MALRD1: variants seen among roughly 807,000 people sequenced by gnomAD.
MALRD1 encodes MAM and LDL-receptor class A domain-containing protein 1.
In MALRD1, 247 loss-of-function variants were observed where a neutral mutation model predicts 242.1. The observed-to-expected ratio is 1.02, with a 90% CI of 0.92 to 1.13. The LOEUF (loss-of-function observed/expected upper bound fraction) is 1.13, where lower values mean the gene tolerates loss of function less well. Among genes scored for constraint, MALRD1 ranks in the 50% most tolerant of loss-of-function variants. The pLI is 0.00. For missense variants in MALRD1, 2,989 were observed against 2,533.1 expected (o/e 1.18, Z -3.86); for synonymous variants, 995 against 866.6 (o/e 1.15, Z -2.60).
At chr10:19,539,681 G>A (rs1014509505) in intron 32 of MALRD1, among the ~76,000 whole-genome samples, 10 of 151,602 alleles carry the variant, frequency 6.6e-5, no homozygotes, top group Non-Finnish European at 1.3e-4. Flanking sequence ...CTGCTGCTTT[G>A]TTTTTTTATT....
chr10:19,278,514 C>T (rs758512706), intron 19 of MALRD1, among the ~76,000 whole-genome samples: 2 of 152,066 alleles, frequency 1.3e-5, no homozygotes, highest in Non-Finnish European at 2.9e-5. Flanking sequence ...TCCATCTATC[C>T]ATCCATTTAT....
chr10:19,550,953 T>C (rs1404732771), intron 32 of MALRD1, among the ~76,000 whole-genome samples: 1 of 152,144 alleles, frequency 6.6e-6, no homozygotes, highest in East Asian at 1.9e-4. Flanking sequence ...TGTTCCTTTT[T>C]CTCCACAACC....
chr10:19,262,256 T>C (rs1213958083), intron 19 of MALRD1, among the ~76,000 whole-genome samples: 1 of 152,174 alleles, frequency 6.6e-6, no homozygotes, highest in Non-Finnish European at 1.5e-5. Flanking sequence ...TACAATATGA[T>C]GTTTTGACAT....
chr10:19,177,755 C>T (rs1239691842), intron 14 of MALRD1, among the ~76,000 whole-genome samples: 2 of 152,032 alleles, frequency 1.3e-5, no homozygotes, highest in Non-Finnish European at 2.9e-5. Flanking sequence ...TGTGATCGGA[C>T]AAAAGGGTAT....
At chr10:19,638,827 A>G (rs758942860) in intron 36 of MALRD1, among the ~76,000 whole-genome samples, 9 of 152,220 alleles carry the variant, frequency 5.9e-5, no homozygotes, top group East Asian at 1.9e-4. Context: ...GACTCAAACC[A>G]TAAGAGACAT....
chr10:19,144,363 G>C (rs1231974156), intron 10 of MALRD1, among the ~76,000 whole-genome samples: 1 of 152,168 alleles, frequency 6.6e-6, no homozygotes, highest in South Asian at 2.1e-4. Flanking sequence ...AAGACCCACT[G>C]TCTATTCTAT....
chr10:19,612,468 A>T (rs564553476), intron 35 of MALRD1, among the ~76,000 whole-genome samples: 2 of 152,030 alleles, frequency 1.3e-5, no homozygotes, highest in South Asian at 4.2e-4. Context: ...CTCAAGGTAT[A>T]TTTCAGTTTT....
At chr10:19,642,002 A>T (rs1158243485) in intron 36 of MALRD1, among the ~76,000 whole-genome samples, 1 of 152,178 alleles carries the variant, frequency 6.6e-6, no homozygotes, top group East Asian at 1.9e-4. Flanking sequence ...ATCTGCCTCA[A>T]AATTAAAACT....
intron 30 of MALRD1, among the ~76,000 whole-genome samples, chr10:19,492,714 A>G (rs1181006155): frequency 6.6e-6 from 1 of 152,176 alleles, no homozygotes; most frequent in East Asian, 1.9e-4. Context: ...GCATAATACC[A>G]TACCTGATTC....
intron 36 of MALRD1, among the ~76,000 whole-genome samples, chr10:19,667,430 C>T (rs1841723827): frequency 6.6e-6 from 1 of 152,072 alleles, no homozygotes; most frequent in South Asian, 2.1e-4. Flanking sequence ...GATCTGTGTC[C>T]CTGCCCAAAT....
At chr10:19,056,022 T>C (rs1486178479) in intron 1 of MALRD1, among the ~76,000 whole-genome samples, 1 of 152,208 alleles carries the variant, frequency 6.6e-6, no homozygotes, top group Non-Finnish European at 1.5e-5. Flanking sequence ...GCTTTATTTC[T>C]GGGCTTTCTA....
chr10:19,424,611 C>T (rs1833835154), intron 28 of MALRD1, among the ~76,000 whole-genome samples: 1 of 152,172 alleles, frequency 6.6e-6, no homozygotes, highest in Non-Finnish European at 1.5e-5. Flanking sequence ...AAGTAATTTT[C>T]AGTGTTACAA....
At chr10:19,324,141 C>T (rs1843018323) in intron 22 of MALRD1, 36 bp downstream of exon 22, 1 of 1,535,208 alleles carries the variant, frequency 6.5e-7, no homozygotes, top group Non-Finnish European at 8.8e-7. Context: ...TGAATTTTCT[C>T]TCTAAAAGTT....
chr10:19,622,106 C>G (rs1839429795), intron 36 of MALRD1, among the ~76,000 whole-genome samples: 1 of 151,104 alleles, frequency 6.6e-6, no homozygotes, highest in African/African-American at 2.4e-5. Flanking sequence ...AAATTAGAAA[C>G]AAAGCAAGTA....
chr10:19,616,956 T>G (rs1839185366), intron 36 of MALRD1, among the ~76,000 whole-genome samples: 1 of 152,010 alleles, frequency 6.6e-6, no homozygotes, highest in Non-Finnish European at 1.5e-5. Context: ...CCGTGGAAAT[T>G]AATTTATCAG....
At chr10:19,310,202 A>C (rs1269497099) in intron 21 of MALRD1, among the ~76,000 whole-genome samples, 1 of 151,460 alleles carries the variant, frequency 6.6e-6, no homozygotes, top group Non-Finnish European at 1.5e-5. Context: ...CAGGAAATGA[A>C]GGAAAGGATG....
chr10:19,466,058 T>C (rs1836203606), intron 29 of MALRD1, among the ~76,000 whole-genome samples: 1 of 152,202 alleles, frequency 6.6e-6, no homozygotes, highest in Non-Finnish European at 1.5e-5. Context: ...TTTACATCTA[T>C]GATTAATAAT....
intron 29 of MALRD1, among the ~76,000 whole-genome samples, chr10:19,468,108 CA>C (rs5783680): frequency 0.86 from 130,563 of 151,488 alleles, 56,397 homozygotes; most frequent in East Asian, 1. Flanking sequence ...TACTTTAAAA[CA>C]AAAAAAAAAT....
intron 31 of MALRD1, among the ~76,000 whole-genome samples, chr10:19,530,378 A>AAC (rs1564417107): frequency 9.9e-6 from 1 of 101,048 alleles, no homozygotes; most frequent in Non-Finnish European, 1.9e-5. Context: ...TATTTATATA[A>AAC]ATATTATATA....
Sources: gnomAD v4.1 joint callset for allele counts (sites outside exome capture counted in the v4.1 genomes callset) on GRCh38, gnomAD v4.1.1 for gene constraint, MANE v1.5 for transcripts, NCBI Gene and HGNC (gene_info 2026-07-23, HGNC 2026-07-21) for gene names.